The following TNFSF4 variants were observed in gnomAD, a reference collection of about 807,000 sequenced individuals.
TNFSF4 encodes TNF superfamily member 4, also known as tumor necrosis factor ligand superfamily member 4.
A neutral mutation model predicts 7.3 loss-of-function variants in TNFSF4; 4 were observed. That is an observed-to-expected ratio of 0.55 (90% CI 0.27 to 1.25). The LOEUF (loss-of-function observed/expected upper bound fraction) is 1.25. Ranked by LOEUF, TNFSF4 falls within the 50% of genes most tolerant of loss-of-function variation. The pLI, the probability that TNFSF4 is intolerant of heterozygous loss-of-function variation, is 0.12. For synonymous variants in TNFSF4, 76 were observed against 83.7 expected (o/e 0.91, Z 0.50); for missense variants, 181 against 208.8 (o/e 0.87, Z 0.82).
At chr1:173,367,281 A>G in the TNFSF4 span, among the ~76,000 whole-genome samples, 8 of 152,326 alleles carry the variant, frequency 5.3e-5, no homozygotes, top group Admixed American at 1.3e-4. Context: ...CAACATTTGT[A>G]TATTTTACCA....
At chr1:173,318,085 A>G in the TNFSF4 span, among the ~76,000 whole-genome samples, 5 of 152,236 alleles carry the variant, frequency 3.3e-5, no homozygotes, top group African/African-American at 1.2e-4. Flanking sequence ...TTGGTTGGCT[A>G]TTTGTAAATA....
At chr1:173,302,751 CTT>C in the TNFSF4 span, among the ~76,000 whole-genome samples, 23 of 150,128 alleles carry the variant, frequency 1.5e-4, no homozygotes, top group African/African-American at 4.6e-4. Context: ...TCAACTCTTT[CTT>C]TTTTTTTTTC....
At chr1:173,276,873 C>T in the TNFSF4 span, among the ~76,000 whole-genome samples, 3 of 152,126 alleles carry the variant, frequency 2.0e-5, no homozygotes, top group African/African-American at 7.2e-5. Context: ...TTATTATCTG[C>T]AGCTCAATGT....
chr1:173,180,988 G>T (rs1175855577), downstream of TNFSF4, among the ~76,000 whole-genome samples: 2 of 152,100 alleles, frequency 1.3e-5, no homozygotes, highest in African/African-American at 4.8e-5. Flanking sequence ...ATTTCAAACT[G>T]GCTGAGTGTT....
At chr1:173,194,099 G>C (rs1403594777) in intron 1 of TNFSF4, among the ~76,000 whole-genome samples, 1 of 152,210 alleles carries the variant, frequency 6.6e-6, no homozygotes, top group Non-Finnish European at 1.5e-5. Flanking sequence ...ACTTCCAAAA[G>C]TCTAAATCCA....
rs1452738039 is a variant in TNFSF4 at position 173,184,314 on chromosome 1, T to C, written c.*2202A>G. On this transcript the variant is annotated 3_prime_UTR_variant, in exon 3 of 3. Transcript: ENST00000281834. ...TCTGCCATGTATATCGAAGGGTTAA[T>C]TCTCCCTGTGAAGGACATGACTTAC... The C allele has an allele frequency of 6.6e-6, 1 of 152,224 alleles. No homozygotes were observed. Among genetic ancestry groups the C allele is most frequent in the African/African-American group, 2.4e-5 (1 of 41,450 alleles). The allele number at this position is 152,224 out of a possible 1,614,324, so 9.4% of individuals were successfully genotyped here.
chr1:173,369,214 T>C, the TNFSF4 span, among the ~76,000 whole-genome samples: 1 of 152,204 alleles, frequency 6.6e-6, no homozygotes, highest in African/African-American at 2.4e-5. Flanking sequence ...CCTCAGGGTA[T>C]GGCCCTCCAC....
chr1:173,414,617 A>G, the TNFSF4 span, among the ~76,000 whole-genome samples: 3 of 152,236 alleles, frequency 2.0e-5, no homozygotes. Context: ...TTCAAGCTTC[A>G]AAGTATGAAG....
chr1:173,384,388 G>A, the TNFSF4 span, among the ~76,000 whole-genome samples: 6 of 152,278 alleles, frequency 3.9e-5, no homozygotes, highest in African/African-American at 1.4e-4. Context: ...TGTGTTGGGG[G>A]AGAACAAAGG....
the TNFSF4 span, among the ~76,000 whole-genome samples, chr1:173,218,738 G>C: frequency 1.3e-5 from 2 of 151,836 alleles, no homozygotes; most frequent in Non-Finnish European, 2.9e-5. Flanking sequence ...CTTAGTTACT[G>C]CTTAGAAAAA....
At chr1:173,441,377 C>T in the TNFSF4 span, among the ~76,000 whole-genome samples, 8 of 152,162 alleles carry the variant, frequency 5.3e-5, no homozygotes, top group African/African-American at 1.4e-4. Flanking sequence ...AATCCCAGCA[C>T]TTTGGGAGGC....
the TNFSF4 span, among the ~76,000 whole-genome samples, chr1:173,294,730 G>C: frequency 2.8e-4 from 43 of 152,018 alleles, no homozygotes; most frequent in African/African-American, 1.0e-3. Context: ...AAACAATAGA[G>C]AAAAATCAGT....
At chr1:173,235,662 G>C in the TNFSF4 span, among the ~76,000 whole-genome samples, 2 of 152,196 alleles carry the variant, frequency 1.3e-5, no homozygotes, top group Non-Finnish European at 2.9e-5. Context: ...GTGCACAATG[G>C]CCTGGGCAGC....
chr1:173,182,574 T>G (rs537465913), downstream of TNFSF4, among the ~76,000 whole-genome samples: 3 of 152,326 alleles, frequency 2.0e-5, no homozygotes, highest in South Asian at 6.2e-4. Flanking sequence ...CCTCAAAGAA[T>G]TGTTGAGACA....
the TNFSF4 span, among the ~76,000 whole-genome samples, chr1:173,388,645 A>C: frequency 6.6e-6 from 1 of 152,256 alleles, no homozygotes; most frequent in Non-Finnish European, 1.5e-5. Flanking sequence ...CCTAATCCAG[A>C]CATTAAAGAG....
At chr1:173,303,836 A>C in the TNFSF4 span, among the ~76,000 whole-genome samples, 1 of 151,714 alleles carries the variant, frequency 6.6e-6, no homozygotes, top group Non-Finnish European at 1.5e-5. Context: ...CATTTTTTCT[A>C]CTCTATATGA....
chr1:173,232,812 A>G, the TNFSF4 span, among the ~76,000 whole-genome samples: 23 of 152,154 alleles, frequency 1.5e-4, 1 homozygote, highest in Admixed American at 1.1e-3. Flanking sequence ...CATCCCAGGG[A>G]TGAGGCCCAC....
the TNFSF4 span, among the ~76,000 whole-genome samples, chr1:173,310,002 C>T: frequency 6.6e-6 from 1 of 151,750 alleles, no homozygotes; most frequent in South Asian, 2.1e-4. Context: ...ATTTTAATGA[C>T]TGTCAGTTCT....
At chr1:173,225,467 G>A in the TNFSF4 span, among the ~76,000 whole-genome samples, 1 of 152,080 alleles carries the variant, frequency 6.6e-6, no homozygotes. Flanking sequence ...TGTATGCTTG[G>A]CTTTGCCCTT....
Sources: gnomAD v4.1 joint callset for allele counts (sites outside exome capture counted in the v4.1 genomes callset) on GRCh38, gnomAD v4.1.1 for gene constraint, MANE v1.5 for transcripts, NCBI Gene and HGNC (gene_info 2026-07-23, HGNC 2026-07-21) for gene names.